The following GLP1R variants were observed in gnomAD, a reference collection of about 807,000 sequenced individuals.
The protein encoded by GLP1R is glucagon-like peptide 1 receptor.
A neutral mutation model predicts 68.4 loss-of-function variants in GLP1R; 32 were observed. That is an observed-to-expected ratio of 0.47 (90% confidence interval 0.35 to 0.63). GLP1R has a LOEUF of 0.63. GLP1R is among the 20% of genes least tolerant of loss of function. The pLI is 0.00. For synonymous variants in GLP1R, 263 were observed against 244.4 expected (o/e 1.08, Z -0.71); for missense variants, 502 against 594.9 (o/e 0.84, Z 1.62).
At chr6:39,063,451 T>C (rs1169300752) in intron 3 of GLP1R, among the ~76,000 whole-genome samples, 1 of 152,104 alleles carries the variant, frequency 6.6e-6, no homozygotes, top group African/African-American at 2.4e-5. Context: ...GTTCGAAGGG[T>C]ATTGGAACAC....
intron 1 of GLP1R, among the ~76,000 whole-genome samples, chr6:39,054,028 A>C (rs1262601819): frequency 6.6e-6 from 1 of 151,572 alleles, no homozygotes; most frequent in Non-Finnish European, 1.5e-5. Flanking sequence ...TTGCTAGCCC[A>C]GTCTGCCTCC....
intron 5 of GLP1R, among the ~76,000 whole-genome samples, chr6:39,072,306 A>G (rs544896710): frequency 6.6e-6 from 1 of 152,348 alleles, no homozygotes; most frequent in East Asian, 1.9e-4. Context: ...CCTGATTTCA[A>G]AGGAAATGCT....
intron 5 of GLP1R, among the ~76,000 whole-genome samples, chr6:39,067,592 C>T (rs906684906): frequency 3.9e-5 from 6 of 152,208 alleles, no homozygotes; most frequent in African/African-American, 1.4e-4. Context: ...CCTTTTCATA[C>T]TATTGCCTTG....
chr6:39,080,829 G>T (rs1583650054), intron 12 of GLP1R, 90 bp downstream of exon 12: 3 of 761,062 alleles, frequency 3.9e-6, no homozygotes, highest in African/African-American at 1.8e-5. Context: ...CATCAATCTT[G>T]CCAGCTGAAA....
At chr6:39,066,166 C>A in intron 4 of GLP1R, 31 bp from the exon 5 acceptor site, 1 of 1,230,280 alleles carries the variant, frequency 8.1e-7, no homozygotes, top group Non-Finnish European at 1.2e-6. Flanking sequence ...ATGGGCTGCC[C>A]ATGTACACGT....
intron 1 of GLP1R, 24 bp from the exon 2 acceptor site, chr6:39,056,373 C>T: frequency 1.5e-5 from 19 of 1,296,700 alleles, no homozygotes; most frequent in Non-Finnish European, 2.0e-5. Flanking sequence ...ACCCACAGGC[C>T]TCCCATATAT....
At chr6:39,063,861 G>C (rs916010138) in intron 3 of GLP1R, among the ~76,000 whole-genome samples, 7 of 151,528 alleles carry the variant, frequency 4.6e-5, no homozygotes, top group African/African-American at 1.7e-4. Flanking sequence ...GCACCCCTGA[G>C]GGTCAGGCCC....
chr6:39,075,468 T>G (rs1768792657), intron 7 of GLP1R, among the ~76,000 whole-genome samples: 1 of 150,930 alleles, frequency 6.6e-6, no homozygotes, highest in Non-Finnish European at 1.5e-5. Flanking sequence ...GTGGCTGGAG[T>G]TTGGTGGGGA....
intron 12 of GLP1R, among the ~76,000 whole-genome samples, chr6:39,084,565 G>A (rs369615509): frequency 1.3e-5 from 2 of 152,276 alleles, no homozygotes; most frequent in East Asian, 1.9e-4. Flanking sequence ...ACTGGACTCA[G>A]GGCCCCCATC....
intron 7 of GLP1R, among the ~76,000 whole-genome samples, chr6:39,074,831 C>A (rs556448834): frequency 1.3e-5 from 2 of 152,334 alleles, no homozygotes; most frequent in Non-Finnish European, 2.9e-5. Flanking sequence ...TGCCTCAGGC[C>A]ACCAGTCCTC....
At chr6:39,060,208 A>G (rs1768325716) in intron 3 of GLP1R, among the ~76,000 whole-genome samples, 2 of 152,166 alleles carry the variant, frequency 1.3e-5, no homozygotes, top group Admixed American at 6.5e-5. Flanking sequence ...GTGTGGGAGC[A>G]GTTCTGAAGA....
rs748771635 is a variant in GLP1R at position 39,085,955 on chromosome 6, T to C, written c.1274T>C (p.Leu425Ser). ...TGGGAGCGCTGGCGGCTTGAGCACTTGCACATCCAGAGGGACAGCAGCATG... is the reference window on the plus strand; with the variant it reads ...TGGGAGCGCTGGCGGCTTGAGCACTCGCACATCCAGAGGGACAGCAGCATG... The part of the protein sequence containing the change: ...KSWERWRLEH[L>S]HIQRDSSMKP... Residue 425 changes from leucine to serine, a missense_variant, in exon 13 of 13, where the codon TTG becomes TCG. Coordinates refer to ENST00000373256, the MANE Select transcript of GLP1R (RefSeq NM_002062.5). 1 of 1,613,908 alleles carries C rather than the reference T, an allele frequency of 6.2e-7. No homozygotes were observed. The highest frequency in any genetic ancestry group is 1.7e-4 in the Middle Eastern group (1 of 6,058).
At position 39,086,329 on chromosome 6, in the gene GLP1R, G is replaced by A. The variant is rs1769147582; in HGVS notation, c.*256G>A. The A allele has an allele frequency of 2.4e-6, 1 of 409,636 alleles. No homozygotes were observed. Among genetic ancestry groups the A allele is most frequent in the African/African-American group, 2.0e-5 (1 of 49,478 alleles). 25.4% of individuals were successfully genotyped at this position (409,636 alleles called of 1,614,324 possible). ...ATTTGATCACAGTGGCGAGAGGAGA[G>A]GAAAAACGATCGCTGTGAAAATGAG... is the stretch of plus-strand genomic sequence containing the variant. On this transcript the variant is annotated 3_prime_UTR_variant, in exon 13 of 13. Coordinates refer to ENST00000373256, the MANE Select transcript of GLP1R (RefSeq NM_002062.5). This position sits in a 1 kb window ranked among gnomAD's most constrained non-coding sequence, Gnocchi z 4.5.
Position 39,091,229 on chromosome 6 carries a change from T to G in GLP1R, c.*5156T>G, listed in dbSNP as rs143525447. Among the ~76,000 whole-genome samples, 225 of 152,302 alleles carry G rather than the reference T, an allele frequency of 1.5e-3. 2 individuals are homozygous for G. Among genetic ancestry groups the G allele is most frequent in the African/African-American group, 5.2e-3 (217 of 41,562 alleles). ...GCGAATGTGTAGGTCATATAATTCC[T>G]TGTACAGATGTGAATGGATGCAGAC... On this transcript the variant is annotated 3_prime_UTR_variant, in exon 13 of 13. Transcript: ENST00000373256.
chr6:39,051,183 G>C (rs1768079529), intron 1 of GLP1R, among the ~76,000 whole-genome samples: 1 of 152,186 alleles, frequency 6.6e-6, no homozygotes, highest in Non-Finnish European at 1.5e-5. Context: ...TATAGGGTCT[G>C]CTATTAGCTG....
intron 6 of GLP1R, 118 bp downstream of exon 6, chr6:39,073,133 C>A (rs1265190231): frequency 2.2e-6 from 2 of 908,954 alleles, no homozygotes; most frequent in Admixed American, 2.5e-5. Context: ...CCTGGCCCTT[C>A]GGGAGCCCCC....
chr6:39,072,728 A>G, intron 5 of GLP1R, 134 bp from the exon 6 acceptor site: 2 of 710,778 alleles, frequency 2.8e-6, no homozygotes, highest in South Asian at 3.7e-5. Flanking sequence ...GAAGAAGGGT[A>G]TTCATAGAAG....
chr6:39,058,048 T>C (rs1768260922), intron 3 of GLP1R, among the ~76,000 whole-genome samples: 1 of 152,172 alleles, frequency 6.6e-6, no homozygotes, highest in Non-Finnish European at 1.5e-5. Context: ...TCAGTAGTGA[T>C]AAGTTTCATG....
At chr6:39,060,117 C>T (rs997542495) in intron 3 of GLP1R, among the ~76,000 whole-genome samples, 17 of 152,190 alleles carry the variant, frequency 1.1e-4, no homozygotes, top group African/African-American at 1.4e-4. Flanking sequence ...GCTCAAGCTG[C>T]GTAATTGCTG....
Sources: gnomAD v4.1 joint callset for allele counts (sites outside exome capture counted in the v4.1 genomes callset) on GRCh38, gnomAD v4.1.1 for gene constraint, Gnocchi (gnomAD v3.1) non-coding constraint, MANE v1.5 for transcripts, NCBI Gene and HGNC (gene_info 2026-07-23, HGNC 2026-07-21) for gene names.